The following MAGOHB variants were observed in gnomAD, a reference collection of about 807,000 sequenced individuals.
MAGOHB encodes protein mago nashi homolog 2.
In MAGOHB, 15 loss-of-function variants were observed where a neutral mutation model predicts 20.9. That is an observed-to-expected ratio of 0.72 (90% CI 0.48 to 1.11). MAGOHB has a LOEUF of 1.11. MAGOHB is among the 50% of genes least tolerant of loss of function. The probability of loss-of-function intolerance (pLI) is 0.00; values close to 1 mark genes in which losing one functional copy is unlikely to be tolerated. For synonymous variants in MAGOHB, 50 were observed against 57.9 expected, an observed-to-expected ratio of 0.86 and a Z score of 0.62; for missense variants, 162 against 177.6, an observed-to-expected ratio of 0.91 and a Z score of 0.50.
At chr12:10,603,447 C>CTT (rs1244138688), downstream of MAGOHB, among the ~76,000 whole-genome samples, 1 of 151,816 alleles carries the variant, frequency 6.6e-6, no homozygotes, top group East Asian at 1.9e-4. Flanking sequence ...CCAACTGAAC[C>CTT]TCTAGTAATT....
At chr12:10,610,577 CAAAAAAAAAAAAAAA>C in intron 2 of MAGOHB, 30 bp downstream of exon 2, 1 of 724,896 alleles carries the variant, frequency 1.4e-6, no homozygotes, top group Non-Finnish European at 1.7e-6. Context: ...GGGCTAAATG[CAAAAAAAAAAAAAAA>C]AAAAAAAAAG....
At position 10,611,658 on chromosome 12, in the gene MAGOHB, G is replaced by T. The variant is rs918764102; in HGVS notation, c.95-978C>A. ...AGCTACTCGGGAGGATGAGGCAGGA[G>T]AATCGCTTCAATCCACGAGGCGGAG... On this transcript the variant is annotated intron_variant, in intron 1 of 4. Transcript: ENST00000320756. Among the ~76,000 whole-genome samples, 5 of 140,454 alleles carry T rather than the reference G, an allele frequency of 3.6e-5. No individual in the cohort carries two copies. In the Admixed American group the frequency reaches 3.8e-4, roughly 11 times the overall value. 92.1% of individuals were successfully genotyped at this position (140,454 alleles called of 152,430 possible). A position where few individuals can be genotyped will look rare whatever the true frequency, so the allele number is the denominator to read the frequency against.
At position 10,609,872 on chromosome 12, in the gene MAGOHB, C is replaced by A. The variant is rs755569350; in HGVS notation, c.223G>T (p.Asp75Tyr). 4 of 1,613,240 alleles carry A rather than the reference C, an allele frequency of 2.5e-6. No homozygotes were observed. The highest frequency in any genetic ancestry group is 1.3e-5 in the African/African-American group (1 of 74,892). ...IIDDSEITKE[D>Y]DALWPPPDRV... ...TCAGGGGGAGGCCACAAAGCATCAT[C>A]TTCTTTTGTAATTTCACTGTCATCA... Residue 75 changes from aspartate to tyrosine, a missense_variant, in exon 3 of 5, where the codon GAT becomes TAT. Coordinates refer to ENST00000320756, the MANE Select transcript of MAGOHB (RefSeq NM_018048.5).
At chr12:10,603,548 C>CA (rs144204675), downstream of MAGOHB, among the ~76,000 whole-genome samples, 1,763 of 140,872 alleles carry the variant, frequency 0.013, 14 homozygotes, top group African/African-American at 0.031. Context: ...GACATAATGG[C>CA]AAAAAAAAAA....
At position 10,606,348 on chromosome 12, in the gene MAGOHB, TA is replaced by T; in HGVS notation, c.373del (p.Tyr125ThrfsTer7). ...SKDPEGLRVF[Y>X]YLVQDLKCLV... ...ACATTTCAAGTCTTGTACCAAATAGTAAAATACTCGAAGGCCTTCAGGATCC... is the reference window on the plus strand; with the variant it reads ...ACATTTCAAGTCTTGTACCAAATAGTAAATACTCGAAGGCCTTCAGGATCC... On this transcript the variant is annotated frameshift_variant, in exon 5 of 5. Coordinates refer to ENST00000320756, the MANE Select transcript of MAGOHB (RefSeq NM_018048.5). LOFTEE classifies it high-confidence loss of function. 1 of 1,579,178 alleles carries T rather than the reference TA, an allele frequency of 6.3e-7. No individual in the cohort carries two copies. Among genetic ancestry groups the T allele is most frequent in the Non-Finnish European group, 8.6e-7 (1 of 1,161,044 alleles).
Position 10,609,929 on chromosome 12 carries a change from T to G in MAGOHB, c.166A>C (p.Lys56Gln). 1 of 1,598,178 alleles carries G rather than the reference T, an allele frequency of 6.3e-7. No individual in the cohort carries two copies. The highest frequency in any genetic ancestry group is 1.1e-5 in the South Asian group (1 of 89,058). Residue 56 changes from lysine to glutamine, a missense_variant, in exon 3 of 5, where the codon AAG becomes CAG. Physicochemically the swap from Lys to Gln is moderately conservative, Grantham distance 53. Coordinates refer to ENST00000320756, the MANE Select transcript of MAGOHB (RefSeq NM_018048.5). ...CTCTTCAGTTCTTCCATTACACTCT[T>G]GTGCACATAAGCCTAAAAATTAATC... ...VMIRKEAYVHKSVMEELKRII... is the reference protein window; with the variant it reads ...VMIRKEAYVHQSVMEELKRII...
chr12:10,601,660 G>A (rs1006816377), downstream of MAGOHB, among the ~76,000 whole-genome samples: 1 of 152,130 alleles, frequency 6.6e-6, no homozygotes, highest in Admixed American at 6.5e-5. Flanking sequence ...CTACAACCTG[G>A]CATATATATG....
At chr12:10,607,052 C>T in intron 4 of MAGOHB, among the ~76,000 whole-genome samples, 1 of 152,184 alleles carries the variant, frequency 6.6e-6, no homozygotes, top group Non-Finnish European at 1.5e-5. Flanking sequence ...ATGCCACACC[C>T]TTACCAAATG....
Position 10,613,493 on chromosome 12 carries a change from CT to C in MAGOHB, c.39del (p.His15ThrfsTer33). On this transcript the variant is annotated frameshift_variant, in exon 1 of 5. Transcript: ENST00000320756. LOFTEE classifies it high-confidence loss of function. ...VASDFYLRYYVGHKGKFGHEF... is the reference protein window; with the variant it reads ...VASDFYLRYYXGHKGKFGHEF... ...TCGTGCCCAAACTTGCCCTTGTGCC[CT>C]ACGTAGTAGCGCAGGTAGAAATCGC... is the stretch of plus-strand genomic sequence containing the variant. 6.2e-7 allele frequency: 1 copy of C among 1,614,142 alleles called. No individual in the cohort carries two copies. The highest frequency in any genetic ancestry group is 8.5e-7 in the Non-Finnish European group (1 of 1,180,018).
chr12:10,605,201 C>T lies in MAGOHB; in HGVS notation c.*1074G>A, dbSNP rs1236664632. On this transcript the variant is annotated 3_prime_UTR_variant, in exon 5 of 5. Transcript: ENST00000320756. ...CACACCTCAAGTAATCAGTAGGCCTCATTTGGCCAGTTGCTACCCTATTGG... is the reference window on the plus strand; with the variant it reads ...CACACCTCAAGTAATCAGTAGGCCTTATTTGGCCAGTTGCTACCCTATTGG... The T allele has an allele frequency of 6.6e-6, 1 of 152,184 alleles. No individual in the cohort carries two copies. Among genetic ancestry groups the T allele is most frequent in the African/African-American group, 2.4e-5 (1 of 41,444 alleles). The allele number at this position is 152,184 out of a possible 1,614,324, so 9.4% of individuals were successfully genotyped here.
downstream of MAGOHB, among the ~76,000 whole-genome samples, chr12:10,603,156 T>C (rs12824569): frequency 6.6e-6 from 1 of 150,896 alleles, no homozygotes; most frequent in East Asian, 1.9e-4. Context: ...CTAAAAAAAA[T>C]ACAAAAAATT....
At chr12:10,602,875 C>T (rs1442913204), downstream of MAGOHB, among the ~76,000 whole-genome samples, 1 of 152,186 alleles carries the variant, frequency 6.6e-6, no homozygotes, top group Non-Finnish European at 1.5e-5. Context: ...CAGCACACTG[C>T]TCTTCCTGCC....
intron 3 of MAGOHB, chr12:10,609,585 C>G (rs1260470026): frequency 2.0e-6 from 1 of 501,176 alleles, no homozygotes; most frequent in South Asian, 2.4e-5. Context: ...TGAAAACATC[C>G]TAACGTTGGC....
In MAGOHB at chr12:10,613,423, G is replaced by T. The variant is rs765801346; in HGVS notation, c.94+16C>A. 31 of 1,611,814 alleles carry T rather than the reference G, an allele frequency of 1.9e-5. No homozygotes were observed. Among genetic ancestry groups the T allele is most frequent in the Non-Finnish European group, 2.5e-5 (29 of 1,177,944 alleles). ...CTCCCCTTTCCCAGCACCGCGTGCC[G>T]TGGGCCTCTTCTCACCGTCCGGCCG... On this transcript the variant is annotated intron_variant, in intron 1 of 4. Coordinates refer to ENST00000320756, the MANE Select transcript of MAGOHB (RefSeq NM_018048.5).
At chr12:10,601,422 G>T (rs1393210456), downstream of MAGOHB, among the ~76,000 whole-genome samples, 1 of 152,192 alleles carries the variant, frequency 6.6e-6, no homozygotes, top group Non-Finnish European at 1.5e-5. Flanking sequence ...AATGGACCGT[G>T]AATTCAGAAG....
intron 4 of MAGOHB, among the ~76,000 whole-genome samples, 185 bp from the exon 5 acceptor site, chr12:10,606,559 T>G (rs1260441570): frequency 1.3e-5 from 2 of 152,084 alleles, no homozygotes; most frequent in Non-Finnish European, 2.9e-5. Flanking sequence ...AAAAATAGTT[T>G]CTTCATCAGT....
rs1435065714 is a variant in MAGOHB, at chr12:10,604,531, T to C, written c.*1744A>G. 6.6e-6 allele frequency: 1 copy of C among 152,182 alleles called. No individual in the cohort carries two copies. 9.4% of individuals were successfully genotyped at this position (152,182 alleles called of 1,614,324 possible). On this transcript the variant is annotated 3_prime_UTR_variant, in exon 5 of 5. Transcript: ENST00000320756. The stretch of plus-strand genomic sequence containing the variant: ...ACGTAAGCACTATTTCTCCTCAACC[T>C]TGTTCAGTTTTTAATGGATCATCTT...
chr12:10,601,181 G>T (rs1401912067), downstream of MAGOHB, among the ~76,000 whole-genome samples: 3 of 152,174 alleles, frequency 2.0e-5, no homozygotes, highest in Non-Finnish European at 4.4e-5. Flanking sequence ...AGGGTCAGGG[G>T]CTGGGGTGTA....
chr12:10,599,784 C>T (rs1366058998), downstream of MAGOHB: 1 of 152,112 alleles, frequency 6.6e-6, no homozygotes, highest in Non-Finnish European at 1.5e-5. Flanking sequence ...ACTAACCAAC[C>T]ACTTAGTACT....
Sources: allele counts gnomAD v4.1 joint callset (sites outside exome capture counted in the v4.1 genomes callset), GRCh38; gene constraint gnomAD v4.1.1; transcripts MANE v1.5; gene names NCBI Gene and HGNC (gene_info 2026-07-23, HGNC 2026-07-21).